Variants in ARHGAP25 observed in about 807,000 individuals in gnomAD.
ARHGAP25 encodes Rho GTPase activating protein 25, also known as rho GTPase-activating protein 25.
In ARHGAP25, 34 loss-of-function variants were observed where a neutral mutation model predicts 71.0. That is an observed-to-expected ratio of 0.48 (90% CI 0.36 to 0.64). The LOEUF (loss-of-function observed/expected upper bound fraction) is 0.64. Ranked by LOEUF, ARHGAP25 falls within the 30% of genes least tolerant of loss-of-function variation. The probability of loss-of-function intolerance (pLI) is 0.00; values close to 1 mark genes in which losing one functional copy is unlikely to be tolerated. For missense variants in ARHGAP25, 706 were observed against 805.1 expected (o/e 0.88, Z 1.49); for synonymous variants, 282 against 296.5 (o/e 0.95, Z 0.50).
chr2:68,801,429 C>A (rs1013605639), intron 4 of ARHGAP25, among the ~76,000 whole-genome samples: 2 of 152,124 alleles, frequency 1.3e-5, no homozygotes, highest in African/African-American at 4.8e-5. Context: ...TGCCAAAAGC[C>A]ACATGAGAAA....
At chr2:68,779,825 C>T (rs924971364) in intron 2 of ARHGAP25, among the ~76,000 whole-genome samples, 2 of 152,244 alleles carry the variant, frequency 1.3e-5, no homozygotes, top group African/African-American at 4.8e-5. Flanking sequence ...CCCACCCTCA[C>T]CCCTACTGGT....
intron 1 of ARHGAP25, among the ~76,000 whole-genome samples, chr2:68,757,434 G>T (rs146559544): frequency 6.6e-6 from 1 of 152,180 alleles, no homozygotes; most frequent in African/African-American, 2.4e-5. Context: ...CTCATACAAG[G>T]AATTTTCAAT....
intron 5 of ARHGAP25, among the ~76,000 whole-genome samples, chr2:68,813,023 C>T (rs1281976113): frequency 1.3e-5 from 2 of 152,134 alleles, no homozygotes; most frequent in East Asian, 3.8e-4. Flanking sequence ...CATTAAGGAA[C>T]GTTTAGTAAA....
At chr2:68,805,255 G>C (rs1458572040) in intron 4 of ARHGAP25, among the ~76,000 whole-genome samples, 1 of 152,128 alleles carries the variant, frequency 6.6e-6, no homozygotes, top group Non-Finnish European at 1.5e-5. Flanking sequence ...AGGACATCAG[G>C]CCAGGAAAGC....
intron 5 of ARHGAP25, among the ~76,000 whole-genome samples, chr2:68,808,993 A>G (rs971205599): frequency 1.3e-5 from 2 of 152,194 alleles, no homozygotes; most frequent in Non-Finnish European, 2.9e-5. Context: ...ACATCCAGAA[A>G]TAGGAAAGGT....
intron 1 of ARHGAP25, among the ~76,000 whole-genome samples, chr2:68,746,451 T>C (rs1473603333): frequency 6.6e-6 from 1 of 152,058 alleles, no homozygotes; most frequent in Non-Finnish European, 1.5e-5. Flanking sequence ...ACCTAGACCC[T>C]GTGCCCTGCC....
At chr2:68,786,875 T>G (rs566568824) in intron 3 of ARHGAP25, among the ~76,000 whole-genome samples, 1 of 152,254 alleles carries the variant, frequency 6.6e-6, no homozygotes, top group Admixed American at 6.5e-5. Flanking sequence ...GAAGGCACTT[T>G]GAAATTTAAT....
At position 68,826,215 on chromosome 2, in the gene ARHGAP25, G is replaced by A. The variant is rs1682122843; in HGVS notation, c.*21G>A. On this transcript the variant is annotated 3_prime_UTR_variant, in exon 11 of 11. Transcript: ENST00000409202. ...CTTAAGGGTCCCAGGAGTACTGCAG[G>A]GACAGCCCCAGAGAGGCCCAACTCT... 1 of 1,611,802 alleles carries A rather than the reference G, an allele frequency of 6.2e-7. No individual in the cohort carries two copies. Among genetic ancestry groups the A allele is most frequent in the Non-Finnish European group, 8.5e-7 (1 of 1,177,998 alleles).
At chr2:68,749,458 C>T (rs1008058711) in intron 1 of ARHGAP25, among the ~76,000 whole-genome samples, 5 of 152,194 alleles carry the variant, frequency 3.3e-5, no homozygotes, top group African/African-American at 1.2e-4. Flanking sequence ...TCTCTTACCT[C>T]CCTTTCAAGC....
At chr2:68,809,526 G>A (rs564784024) in intron 5 of ARHGAP25, among the ~76,000 whole-genome samples, 2 of 152,210 alleles carry the variant, frequency 1.3e-5, no homozygotes, top group South Asian at 4.2e-4. Context: ...TGAATTGTGT[G>A]TGGGAGTTCT....
At chr2:68,780,548 T>C (rs1185424234) in intron 2 of ARHGAP25, among the ~76,000 whole-genome samples, 2 of 152,120 alleles carry the variant, frequency 1.3e-5, no homozygotes, top group South Asian at 2.1e-4. Context: ...TGTAGAGGAA[T>C]TGCAGAATTC....
chr2:68,822,701 C>A lies in ARHGAP25; in HGVS notation c.1562C>A (p.Ser521Tyr). ...GSPGEEASAL[S>Y]SQACDSKGDT... is the part of the protein sequence containing the mutation. ...CCTGGGGAGGAAGCCAGTGCACTCT[C>A]TTCCCAAGCCTGTGACTCCAAGGGA... Residue 521 changes from serine to tyrosine, a missense_variant, in exon 10 of 11, where the codon TCT (serine) becomes TAT (tyrosine). Transcript: ENST00000409202. The A allele has an allele frequency of 6.2e-7, 1 of 1,614,210 alleles. No individual in the cohort carries two copies. The highest frequency in any genetic ancestry group is 8.5e-7 in the Non-Finnish European group (1 of 1,180,050).
intron 4 of ARHGAP25, among the ~76,000 whole-genome samples, chr2:68,798,100 GA>G (rs1679702352): frequency 6.6e-6 from 1 of 151,866 alleles, no homozygotes; most frequent in African/African-American, 2.4e-5. Flanking sequence ...CAGCCATCTT[GA>G]AAAAAAAGAT....
In ARHGAP25 at chr2:68,826,050, G is replaced by A; in HGVS notation, c.1797G>A (p.Lys599=). The part of the protein sequence containing the change: ...KVVRLNEELE[K]EKKKSAALEI... ...TGAGGCTCAATGAAGAACTGGAGAA[G>A]GAAAAGAAGAAGTCTGCAGCCCTAG... Residue 599 remains lysine (K), a synonymous_variant, in exon 11 of 11, where the codon AAG becomes AAA. Transcript: ENST00000409202. 1 of 1,614,052 alleles carries A rather than the reference G, an allele frequency of 6.2e-7. No homozygotes were observed. Among genetic ancestry groups the A allele is most frequent in the Non-Finnish European group, 8.5e-7 (1 of 1,180,002 alleles).
At chr2:68,819,031 C>T in intron 8 of ARHGAP25, 92 bp from the exon 9 acceptor site, 2 of 1,167,066 alleles carry the variant, frequency 1.7e-6, no homozygotes, top group Non-Finnish European at 2.4e-6. Flanking sequence ...AGTTTTAGAA[C>T]CGAGTTTGGA....
In ARHGAP25 at chr2:68,822,699, C is replaced by T. The variant is rs764510013; in HGVS notation, c.1560C>T (p.Leu520=). ...PGSPGEEASA[L]SSQACDSKGD... is the part of the protein sequence containing the mutation. ...CCCCTGGGGAGGAAGCCAGTGCACTCTCTTCCCAAGCCTGTGACTCCAAGG... is the reference window on the plus strand; with the variant it reads ...CCCCTGGGGAGGAAGCCAGTGCACTTTCTTCCCAAGCCTGTGACTCCAAGG... Residue 520 remains leucine (L), a synonymous_variant, in exon 10 of 11, where the codon CTC becomes CTT. Transcript: ENST00000409202. 6.2e-7 allele frequency: 1 copy of T among 1,614,086 alleles called. No individual in the cohort carries two copies. Among genetic ancestry groups the T allele is most frequent in the African/African-American group, 1.3e-5 (1 of 74,928 alleles).
intron 2 of ARHGAP25, among the ~76,000 whole-genome samples, chr2:68,713,092 C>CTTTGGGCAGTATGGTCATTTTCACAA (rs1461696002): frequency 1.6e-4 from 25 of 152,108 alleles, no homozygotes; most frequent in Non-Finnish European, 2.9e-4. Context: ...CTATAAATTA[C>CTTTGGGCAGTATGGTCATTTTCACAA]TTTGGGCAGT....
At chr2:68,787,544 TC>T (rs1302817606) in intron 3 of ARHGAP25, among the ~76,000 whole-genome samples, 2 of 152,242 alleles carry the variant, frequency 1.3e-5, no homozygotes, top group African/African-American at 4.8e-5. Context: ...ACCATGAACT[TC>T]CTTTTCCTTT....
At chr2:68,748,925 G>T (rs1675995207) in intron 1 of ARHGAP25, among the ~76,000 whole-genome samples, 1 of 152,168 alleles carries the variant, frequency 6.6e-6, no homozygotes, top group South Asian at 2.1e-4. Flanking sequence ...AGGGGCCCTG[G>T]GAAAAGTAGC....
Sources: allele counts gnomAD v4.1 joint callset (sites outside exome capture counted in the v4.1 genomes callset), GRCh38; gene constraint gnomAD v4.1.1; transcripts MANE v1.5; gene names NCBI Gene and HGNC (gene_info 2026-07-23, HGNC 2026-07-21).